SRBD1: variants seen among roughly 807,000 people sequenced by gnomAD.
SRBD1 encodes the protein S1 RNA binding domain 1.
Under a neutral mutation model 115.3 loss-of-function variants are expected in SRBD1, and 88 were observed. The observed-to-expected ratio is 0.76, with a 90% confidence interval of 0.64 to 0.91. The LOEUF is 0.91. Ranked by LOEUF, SRBD1 falls within the 40% of genes least tolerant of loss-of-function variation. The probability of loss-of-function intolerance (pLI) is 0.00; values close to 1 mark genes in which losing one functional copy is unlikely to be tolerated. For synonymous variants in SRBD1, 509 were observed against 407.7 expected (o/e 1.25, Z -2.99); for missense variants, 1,385 against 1,177.4 (o/e 1.18, Z -2.58).
intron 1 of SRBD1, among the ~76,000 whole-genome samples, chr2:45,610,250 C>T (rs1166003450): frequency 6.6e-6 from 1 of 152,064 alleles, no homozygotes; most frequent in Non-Finnish European, 1.5e-5. Context: ...AAAGGACGTG[C>T]ACACTAACAA....
At chr2:45,506,666 A>G (rs1030366720) in intron 14 of SRBD1, among the ~76,000 whole-genome samples, 2 of 152,144 alleles carry the variant, frequency 1.3e-5, no homozygotes, top group Admixed American at 1.3e-4. Flanking sequence ...TCATCTTTGT[A>G]TTTTCAGATC....
intron 15 of SRBD1, among the ~76,000 whole-genome samples, chr2:45,480,795 T>A (rs931384617): frequency 4.0e-5 from 6 of 151,022 alleles, no homozygotes; most frequent in African/African-American, 1.5e-4. Flanking sequence ...CAGCATCACA[T>A]GCTACAGAGA....
At chr2:45,396,137 A>T (rs1667140951) in intron 19 of SRBD1, among the ~76,000 whole-genome samples, 1 of 152,116 alleles carries the variant, frequency 6.6e-6, no homozygotes, top group South Asian at 2.1e-4. Context: ...GAAAAAAAAA[A>T]TGAGGTTCAG....
intron 16 of SRBD1, among the ~76,000 whole-genome samples, chr2:45,426,824 C>CA (rs563275617): frequency 8.5e-5 from 13 of 152,118 alleles, no homozygotes; most frequent in Non-Finnish European, 1.8e-4. Context: ...AGGACGTCCA[C>CA]ACAAAATCCC....
chr2:45,573,705 T>G (rs1327104698), intron 8 of SRBD1, among the ~76,000 whole-genome samples: 2 of 152,052 alleles, frequency 1.3e-5, no homozygotes, highest in African/African-American at 4.8e-5. Context: ...AATTAAAAAC[T>G]TAAAAAAAGA....
At chr2:45,502,712 A>G (rs1251973085) in intron 14 of SRBD1, among the ~76,000 whole-genome samples, 2 of 152,090 alleles carry the variant, frequency 1.3e-5, no homozygotes, top group Non-Finnish European at 2.9e-5. Flanking sequence ...GGATAGCATT[A>G]GGATATACCT....
intron 18 of SRBD1, among the ~76,000 whole-genome samples, chr2:45,413,714 G>A (rs1667674373): frequency 6.6e-6 from 1 of 152,096 alleles, no homozygotes; most frequent in Non-Finnish European, 1.5e-5. Context: ...GATCACCTGA[G>A]GTCAGGAGTT....
Position 45,604,708 on chromosome 2 carries a change from T to A in SRBD1, c.80+654A>T, listed in dbSNP as rs576702503. Among the ~76,000 whole-genome samples the A allele has an allele frequency of 2.6e-5, 4 of 152,322 alleles. No individual in the cohort carries two copies. The South Asian group carries it at 8.3e-4, about 32-fold the overall frequency. On this transcript the variant is annotated intron_variant, in intron 2 of 20. Transcript: ENST00000263736. ...AATCTCATCTAGATCTCTTGCCACA[T>A]CTTCCGCAATAACTTTCTGACTACT...
At chr2:45,509,334 C>A (rs568380476) in intron 14 of SRBD1, among the ~76,000 whole-genome samples, 2 of 151,874 alleles carry the variant, frequency 1.3e-5, no homozygotes, top group African/African-American at 4.8e-5. Flanking sequence ...TGGTGGCTCA[C>A]GCCTGTAATC....
chr2:45,545,088 G>A (rs1020113714), intron 14 of SRBD1, among the ~76,000 whole-genome samples: 11 of 151,804 alleles, frequency 7.2e-5, no homozygotes, highest in Non-Finnish European at 1.3e-4. Context: ...AGATCATCCT[G>A]GCTAACACGG....
chr2:45,551,865 G>T (rs1022392670), intron 11 of SRBD1, among the ~76,000 whole-genome samples: 1 of 152,186 alleles, frequency 6.6e-6, no homozygotes, highest in Non-Finnish European at 1.5e-5. Context: ...GCATGAAATT[G>T]TGAGATGAGA....
chr2:45,437,811 C>A (rs1435874765), intron 16 of SRBD1, among the ~76,000 whole-genome samples: 1 of 151,996 alleles, frequency 6.6e-6, no homozygotes, highest in Non-Finnish European at 1.5e-5. Context: ...TAAAACTAGG[C>A]AATAACATAG....
chr2:45,474,660 C>T (rs535683703), intron 16 of SRBD1, among the ~76,000 whole-genome samples: 2 of 152,274 alleles, frequency 1.3e-5, no homozygotes, highest in South Asian at 4.1e-4. Flanking sequence ...CCGGGAACTG[C>T]ACCTACCTCA....
At chr2:45,476,129 G>C (rs535854340) in intron 16 of SRBD1, among the ~76,000 whole-genome samples, 1 of 152,264 alleles carries the variant, frequency 6.6e-6, no homozygotes, top group East Asian at 1.9e-4. Context: ...CTATAAAATG[G>C]AAATATTCCC....
At chr2:45,389,628 A>G in intron 20 of SRBD1, 29 bp from the exon 21 acceptor site, 3 of 1,599,298 alleles carry the variant, frequency 1.9e-6, no homozygotes, top group Non-Finnish European at 2.6e-6. Flanking sequence ...AAGTGTAAAT[A>G]AGGCATTGTA....
intron 16 of SRBD1, among the ~76,000 whole-genome samples, chr2:45,426,911 T>A (rs13026123): frequency 0.11 from 15,988 of 152,170 alleles, 862 homozygotes; most frequent in Middle Eastern, 0.15. Flanking sequence ...ACAAAAAGGC[T>A]GAAAATTCCA....
intron 11 of SRBD1, among the ~76,000 whole-genome samples, chr2:45,552,986 T>C (rs1672350886): frequency 6.6e-6 from 1 of 152,168 alleles, no homozygotes; most frequent in African/African-American, 2.4e-5. Flanking sequence ...AGAATGAAGA[T>C]AATCTATAAT....
At chr2:45,582,096 A>G (rs907416571) in intron 5 of SRBD1, among the ~76,000 whole-genome samples, 2 of 152,202 alleles carry the variant, frequency 1.3e-5, no homozygotes, top group African/African-American at 4.8e-5. Flanking sequence ...AACTGTCCCA[A>G]TAATATCCTT....
chr2:45,429,031 A>C (rs1010242814), intron 16 of SRBD1, among the ~76,000 whole-genome samples: 4 of 152,232 alleles, frequency 2.6e-5, no homozygotes, highest in Non-Finnish European at 5.9e-5. Flanking sequence ...TTACGCAAAT[A>C]AACTAGAAAA....
Sources: allele counts gnomAD v4.1 joint callset (sites outside exome capture counted in the v4.1 genomes callset), GRCh38; gene constraint gnomAD v4.1.1; transcripts MANE v1.5; gene names NCBI Gene and HGNC (gene_info 2026-07-23, HGNC 2026-07-21).